Variants in SAMMSON observed in about 807,000 individuals in gnomAD.
SAMMSON encodes long intergenic non-protein coding RNA 1212.
intron 7 of SAMMSON, among the ~76,000 whole-genome samples, chr3:70,338,563 CA>C (rs2106727123): frequency 6.6e-6 from 1 of 152,202 alleles, no homozygotes; most frequent in South Asian, 2.1e-4. Context: ...TCTCAGAATA[CA>C]AAATCAAAGT....
intron 6 of SAMMSON, among the ~76,000 whole-genome samples, chr3:70,286,030 T>C (rs1702159395): frequency 2.0e-5 from 3 of 152,102 alleles, no homozygotes; most frequent in Non-Finnish European, 4.4e-5. Flanking sequence ...CTGATGGTAG[T>C]TTCTTTTGCT....
intron 6 of SAMMSON, among the ~76,000 whole-genome samples, chr3:70,267,570 T>C (rs951163860): frequency 0.021 from 767 of 37,060 alleles, 5 homozygotes; most frequent in African/African-American, 0.054. Flanking sequence ...GCCCGGCTAA[T>C]TTTTTGTATT....
At chr3:70,320,870 G>T (rs1455367898) in intron 7 of SAMMSON, among the ~76,000 whole-genome samples, 1 of 152,076 alleles carries the variant, frequency 6.6e-6, no homozygotes, top group African/African-American at 2.4e-5. Context: ...GCATGTGAGG[G>T]AAAGCAAAGT....
At position 70,059,148 on chromosome 3, in the gene SAMMSON, A is replaced by G. The variant is rs114555279; in HGVS notation, n.418-12328A>G. Among the ~76,000 whole-genome samples, 934 of 152,260 alleles carry G rather than the reference A, an allele frequency of 6.1e-3. 8 individuals carry two copies. The highest frequency in any genetic ancestry group is 0.02 in the African/African-American group (832 of 41,562). ...AGTATGTGCTGGCTAGAAGAGCTTT[A>G]TATGTATTATTTGTAAAGTGACATG... is the stretch of plus-strand genomic sequence containing the variant. On this transcript the variant is annotated intron_variant and non_coding_transcript_variant, in intron 3 of 9. Coordinates refer to ENST00000642114, the Ensembl canonical transcript of SAMMSON.
chr3:70,321,341 T>G (rs1702537238), intron 7 of SAMMSON, among the ~76,000 whole-genome samples: 1 of 152,126 alleles, frequency 6.6e-6, no homozygotes, highest in East Asian at 1.9e-4. Flanking sequence ...TAAATGGAAT[T>G]ATACAGTATG....
intron 9 of SAMMSON, among the ~76,000 whole-genome samples, chr3:70,369,425 A>G (rs12489823): frequency 0.097 from 14,743 of 151,714 alleles, 794 homozygotes; most frequent in African/African-American, 0.12. Flanking sequence ...TGTTGTTATT[A>G]ATGATAATTC....
At chr3:70,335,400 T>A (rs1365091110) in intron 7 of SAMMSON, among the ~76,000 whole-genome samples, 1 of 152,074 alleles carries the variant, frequency 6.6e-6, no homozygotes, top group East Asian at 1.9e-4. Flanking sequence ...TTTGTTTCTT[T>A]ATAATATACC....
chr3:70,223,387 A>G (rs1701477110), intron 4 of SAMMSON, among the ~76,000 whole-genome samples: 1 of 152,204 alleles, frequency 6.6e-6, no homozygotes, highest in Non-Finnish European at 1.5e-5. Context: ...AGATGAGTGC[A>G]GAGCACTGAT....
chr3:70,303,488 A>T (rs533222906), intron 7 of SAMMSON, among the ~76,000 whole-genome samples: 1 of 152,296 alleles, frequency 6.6e-6, no homozygotes, highest in African/African-American at 2.4e-5. Context: ...CACCAGAACT[A>T]GATTAGTTCC....
intron 6 of SAMMSON, among the ~76,000 whole-genome samples, chr3:70,250,329 G>A (rs999436038): frequency 1.3e-5 from 2 of 151,668 alleles, no homozygotes; most frequent in African/African-American, 2.4e-5. Flanking sequence ...TATTGCCAGC[G>A]ACATTTTTTA....
intron 6 of SAMMSON, among the ~76,000 whole-genome samples, chr3:70,278,974 A>G (rs1282295496): frequency 6.6e-6 from 1 of 151,422 alleles, no homozygotes; most frequent in Admixed American, 6.6e-5. Flanking sequence ...GTCAAGGAAA[A>G]CAGTGAAGTG....
chr3:70,247,601 A>G (rs927004067), intron 4 of SAMMSON, among the ~76,000 whole-genome samples: 1 of 151,968 alleles, frequency 6.6e-6, no homozygotes, highest in Non-Finnish European at 1.5e-5. Context: ...ATTTTAATAT[A>G]TAACATTATA....
At chr3:70,191,403 G>A (rs1168178527) in intron 4 of SAMMSON, among the ~76,000 whole-genome samples, 3 of 152,196 alleles carry the variant, frequency 2.0e-5, no homozygotes, top group Admixed American at 2.0e-4. Flanking sequence ...ATGCTGATGA[G>A]GGGCTGGCCT....
At chr3:70,188,917 C>A (rs1262064280) in intron 4 of SAMMSON, among the ~76,000 whole-genome samples, 1 of 152,126 alleles carries the variant, frequency 6.6e-6, no homozygotes, top group African/African-American at 2.4e-5. Context: ...AACATGAAAA[C>A]TTTTCATGAA....
intron 4 of SAMMSON, among the ~76,000 whole-genome samples, chr3:70,121,494 G>T (rs571330960): frequency 6.6e-6 from 1 of 152,236 alleles, no homozygotes; most frequent in South Asian, 2.1e-4. Flanking sequence ...TTACTTTAAA[G>T]AATTTTTACA....
At chr3:70,082,826 A>G (rs1170067293) in intron 4 of SAMMSON, among the ~76,000 whole-genome samples, 2 of 152,210 alleles carry the variant, frequency 1.3e-5, no homozygotes, top group African/African-American at 2.4e-5. Flanking sequence ...GTTTTAAAGT[A>G]ACTCATTTAA....
chr3:70,339,875 A>G (rs978697707), intron 7 of SAMMSON, among the ~76,000 whole-genome samples: 1 of 152,198 alleles, frequency 6.6e-6, no homozygotes, highest in Non-Finnish European at 1.5e-5. Context: ...AACTGGAAAT[A>G]CCATTTGACC....
chr3:70,207,662 T>A (rs1174866828), intron 4 of SAMMSON, among the ~76,000 whole-genome samples: 2 of 151,896 alleles, frequency 1.3e-5, no homozygotes, highest in Non-Finnish European at 2.9e-5. Flanking sequence ...ACAATAAAAA[T>A]GATACAAATA....
At chr3:70,121,434 A>G (rs920776212) in intron 4 of SAMMSON, among the ~76,000 whole-genome samples, 5 of 152,086 alleles carry the variant, frequency 3.3e-5, no homozygotes, top group African/African-American at 7.2e-5. Flanking sequence ...ACTGTACTGT[A>G]TCGTGTGTAT....
Sources: allele counts gnomAD v4.1 joint callset (sites outside exome capture counted in the v4.1 genomes callset), GRCh38; gene constraint gnomAD v4.1.1; transcripts MANE v1.5; gene names NCBI Gene and HGNC (gene_info 2026-07-23, HGNC 2026-07-21).